Variants in SH3GL2 observed in about 807,000 individuals in gnomAD.
The protein encoded by SH3GL2 is SH3 domain containing GRB2 like 2, endophilin A1.
A neutral mutation model predicts 46.0 loss-of-function variants in SH3GL2; 24 were observed. The ratio of observed to expected loss-of-function variants is 0.52; its 90% CI spans 0.38 to 0.73. The LOEUF (loss-of-function observed/expected upper bound fraction) is 0.73. Among genes scored for constraint, SH3GL2 ranks in the 30% least tolerant of loss-of-function variants. The probability of loss-of-function intolerance (pLI) is 0.00; values close to 1 mark genes in which losing one functional copy is unlikely to be tolerated. For synonymous variants in SH3GL2, 196 were observed against 147.1 expected (o/e 1.33, Z -2.40); for missense variants, 413 against 424.2 (o/e 0.97, Z 0.23).
chr9:17,580,786 T>G (rs1384692746), intron 1 of SH3GL2, among the ~76,000 whole-genome samples: 3 of 152,204 alleles, frequency 2.0e-5, no homozygotes, highest in Non-Finnish European at 4.4e-5. Context: ...ATTACTAACC[T>G]TTTTGATTGC....
chr9:17,719,740 C>G (rs143100381), intron 1 of SH3GL2, among the ~76,000 whole-genome samples: 1,612 of 150,454 alleles, frequency 0.011, 12 homozygotes, highest in Non-Finnish European at 0.017. Context: ...CTGCAGTGAG[C>G]TATGATTGCA....
rs59248549 is a variant in SH3GL2 at position 17,696,182 on chromosome 9, CT to C, written c.46-50875del. ...TCAGGGAGGTCCACACTAAAGAGGA[CT>C]TTTTTTTTCCTTTTTTAAAGAGAAC... On this transcript the variant is annotated intron_variant, in intron 1 of 8. Coordinates refer to ENST00000380607, the MANE Select transcript of SH3GL2 (RefSeq NM_003026.5). Among the ~76,000 whole-genome samples, 14 of 151,524 alleles carry C rather than the reference CT, an allele frequency of 9.2e-5. No individual in the cohort carries two copies. The South Asian group carries it at 2.1e-3, about 23-fold the overall frequency.
chr9:17,621,354 T>C (rs1819133971), intron 1 of SH3GL2, among the ~76,000 whole-genome samples: 2 of 152,248 alleles, frequency 1.3e-5, no homozygotes, highest in African/African-American at 4.8e-5. Context: ...CTAATTTATG[T>C]CCGCAACTAC....
chr9:17,717,755 G>T (rs1018524133), intron 1 of SH3GL2, among the ~76,000 whole-genome samples: 3 of 152,116 alleles, frequency 2.0e-5, no homozygotes, highest in Non-Finnish European at 4.4e-5. Flanking sequence ...ATGGAAGTAT[G>T]TGAAATGTAC....
intron 1 of SH3GL2, among the ~76,000 whole-genome samples, chr9:17,605,620 T>G (rs557469232): frequency 6.6e-6 from 1 of 152,180 alleles, no homozygotes; most frequent in South Asian, 2.1e-4. Flanking sequence ...CTCCTCAGTG[T>G]GGGGGTCTGG....
intron 1 of SH3GL2, among the ~76,000 whole-genome samples, chr9:17,731,483 C>G (rs1161478966): frequency 1.3e-5 from 2 of 151,844 alleles, no homozygotes; most frequent in Non-Finnish European, 1.5e-5. Context: ...GCATCTTTCT[C>G]TCTCCACACA....
chr9:17,637,346 G>C (rs530410678), intron 1 of SH3GL2, among the ~76,000 whole-genome samples: 1 of 152,274 alleles, frequency 6.6e-6, no homozygotes, highest in South Asian at 2.1e-4. Context: ...TAAATTCCCA[G>C]TCTTACATAA....
chr9:17,660,280 G>A (rs1820180381), intron 1 of SH3GL2, among the ~76,000 whole-genome samples: 2 of 152,120 alleles, frequency 1.3e-5, no homozygotes, highest in Admixed American at 1.3e-4. Flanking sequence ...AGAAGATCTG[G>A]CAGCCTTGTG....
At chr9:17,718,764 A>G (rs1821823248) in intron 1 of SH3GL2, among the ~76,000 whole-genome samples, 1 of 152,018 alleles carries the variant, frequency 6.6e-6, no homozygotes, top group Non-Finnish European at 1.5e-5. Flanking sequence ...CCCACCTCCA[A>G]ATATTCTTAT....
intron 1 of SH3GL2, among the ~76,000 whole-genome samples, chr9:17,612,563 G>A (rs1171296798): frequency 1.3e-5 from 2 of 152,266 alleles, no homozygotes; most frequent in African/African-American, 4.8e-5. Flanking sequence ...GGAGAGGAAG[G>A]GGTGCATGTG....
At chr9:17,597,515 TC>T (rs1461325592) in intron 1 of SH3GL2, among the ~76,000 whole-genome samples, 3 of 146,704 alleles carry the variant, frequency 2.0e-5, no homozygotes, top group African/African-American at 7.7e-5. Flanking sequence ...ATACTCAGTC[TC>T]AAAAAAAAAA....
intron 1 of SH3GL2, among the ~76,000 whole-genome samples, chr9:17,673,479 G>T (rs1200118793): frequency 6.6e-6 from 1 of 151,886 alleles, no homozygotes; most frequent in Non-Finnish European, 1.5e-5. Context: ...CCCTGTCCCT[G>T]ATCTTTGCCT....
chr9:17,666,617 A>C (rs1280680334), intron 1 of SH3GL2, among the ~76,000 whole-genome samples: 1 of 150,266 alleles, frequency 6.7e-6, no homozygotes. Flanking sequence ...AGTTCATAGG[A>C]AGCATTCTCA....
intron 3 of SH3GL2, among the ~76,000 whole-genome samples, chr9:17,764,295 A>T (rs140898633): frequency 9.2e-5 from 14 of 152,340 alleles, no homozygotes; most frequent in African/African-American, 3.1e-4. Context: ...TGTTTACAAC[A>T]GGTACAATTT....
At position 17,614,295 on chromosome 9, in the gene SH3GL2, G is replaced by GGAAAAAAAAAAAAAAAAAAAAAA. The variant is rs762920242; in HGVS notation, c.45+35008_45+35009insGAAAAAAAAAAAAAAAAAAAAAA. 2.1e-4 allele frequency among the ~76,000 whole-genome samples: 15 copies of GGAAAAAAAAAAAAAAAAAAAAAA among 70,298 alleles called. 1 individual carries two copies. The highest frequency in any genetic ancestry group is 8.1e-4 in the African/African-American group (14 of 17,368). The allele number at this position is 70,298 out of a possible 152,430, so 46.1% of individuals were successfully genotyped here. A position where few individuals can be genotyped will look rare whatever the true frequency, so the allele number is the denominator to read the frequency against. ...GTGACAGGGAACATGCATGGTTTCT[G>GGAAAAAAAAAAAAAAAAAAAAAA]AAAAAAAAAAAAAAAAAAAAAAAAA... On this transcript the variant is annotated intron_variant, in intron 1 of 8. Transcript: ENST00000380607.
chr9:17,634,489 T>A (rs1279015927), intron 1 of SH3GL2, among the ~76,000 whole-genome samples: 1 of 152,206 alleles, frequency 6.6e-6, no homozygotes, highest in Non-Finnish European at 1.5e-5. Context: ...CTGAAATATA[T>A]GCCTCTTTTC....
chr9:17,711,461 A>T (rs968740913), intron 1 of SH3GL2, among the ~76,000 whole-genome samples: 3 of 151,968 alleles, frequency 2.0e-5, no homozygotes, highest in South Asian at 2.1e-4. Flanking sequence ...TGCTTTCTCA[A>T]ATCCCTTGGT....
chr9:17,726,688 C>T (rs1399477673), intron 1 of SH3GL2, among the ~76,000 whole-genome samples: 1 of 152,078 alleles, frequency 6.6e-6, no homozygotes, highest in Admixed American at 6.6e-5. Context: ...AAATAGGAAG[C>T]AGAGAGGATC....
chr9:17,737,800 G>T (rs1822386049), intron 1 of SH3GL2, among the ~76,000 whole-genome samples: 1 of 152,092 alleles, frequency 6.6e-6, no homozygotes, highest in Non-Finnish European at 1.5e-5. Flanking sequence ...TCCCTGAGCA[G>T]TCGCCTTTGA....
Sources: gnomAD v4.1 joint callset for allele counts (sites outside exome capture counted in the v4.1 genomes callset) on GRCh38, gnomAD v4.1.1 for gene constraint, MANE v1.5 for transcripts, NCBI Gene and HGNC (gene_info 2026-07-23, HGNC 2026-07-21) for gene names.